The following CSMD1 variants were observed in gnomAD, a reference collection of about 807,000 sequenced individuals.
The protein encoded by CSMD1 is CUB and sushi domain-containing protein 1.
Under a neutral mutation model 417.5 loss-of-function variants are expected in CSMD1, and 213 were observed. The observed-to-expected ratio is 0.51, with a 90% CI of 0.46 to 0.57. The LOEUF (loss-of-function observed/expected upper bound fraction) is 0.57. CSMD1 is among the 20% of genes least tolerant of loss of function. The probability of loss-of-function intolerance (pLI) is 0.00; values close to 1 mark genes in which losing one functional copy is unlikely to be tolerated. For missense variants in CSMD1, 6,923 were observed against 4,529.7 expected (o/e 1.53, Z -15.17); for synonymous variants, 2,862 against 1,736.8 (o/e 1.65, Z -16.11).
At chr8:4,421,482 G>C (rs1797245750) in intron 2 of CSMD1, among the ~76,000 whole-genome samples, 1 of 152,092 alleles carries the variant, frequency 6.6e-6, no homozygotes, top group South Asian at 2.1e-4. Context: ...CATATAGCGT[G>C]TGTTCTCTGA....
intron 7 of CSMD1, among the ~76,000 whole-genome samples, chr8:3,621,112 G>A (rs3116146): frequency 0.11 from 17,023 of 152,146 alleles, 1,246 homozygotes; most frequent in African/African-American, 0.2. Context: ...AGGAGAGAGC[G>A]CTTAGAAGAA....
Position 2,965,721 on chromosome 8 carries a change from T to A in CSMD1, c.9280+54A>T. ...GCTTGCAAAATTAAACAAAGCATAATTCAATAAAGACTTCTATACACATCT... is the reference window on the plus strand; with the variant it reads ...GCTTGCAAAATTAAACAAAGCATAAATCAATAAAGACTTCTATACACATCT... On this transcript the variant is annotated intron_variant, in intron 59 of 69. Transcript: ENST00000635120. The A allele has an allele frequency of 2.7e-6, 4 of 1,484,464 alleles. No homozygotes were observed. The South Asian group carries it at 4.9e-5, about 18-fold the overall frequency. The allele number at this position is 1,484,464 out of a possible 1,614,324, so 92.0% of individuals were successfully genotyped here.
chr8:4,708,794 T>A (rs980967591), intron 1 of CSMD1, among the ~76,000 whole-genome samples: 1 of 152,118 alleles, frequency 6.6e-6, no homozygotes, highest in African/African-American at 2.4e-5. Context: ...GATTTTGTAA[T>A]AGATGTTTAA....
chr8:4,569,574 G>C (rs1424899071), intron 2 of CSMD1, among the ~76,000 whole-genome samples: 1 of 152,186 alleles, frequency 6.6e-6, no homozygotes, highest in African/African-American at 2.4e-5. Context: ...AAGTCAGGTA[G>C]TATGACGCCT....
intron 1 of CSMD1, among the ~76,000 whole-genome samples, chr8:4,643,925 G>C (rs1056592642): frequency 6.6e-6 from 1 of 152,210 alleles, no homozygotes; most frequent in Non-Finnish European, 1.5e-5. Context: ...ATGATTCTCA[G>C]ATCACCTGGA....
intron 36 of CSMD1, among the ~76,000 whole-genome samples, chr8:3,182,311 A>G (rs1292296600): frequency 1.3e-5 from 2 of 152,130 alleles, no homozygotes; most frequent in East Asian, 1.9e-4. Context: ...CAGTGGCACA[A>G]TCTTGGGATT....
chr8:3,649,249 T>G (rs981607916), intron 7 of CSMD1, among the ~76,000 whole-genome samples: 3 of 152,128 alleles, frequency 2.0e-5, no homozygotes, highest in Admixed American at 2.0e-4. Context: ...TTCTGTAACA[T>G]AAAACCAACC....
chr8:4,092,284 G>A (rs1469403163), intron 3 of CSMD1, among the ~76,000 whole-genome samples: 2 of 152,100 alleles, frequency 1.3e-5, no homozygotes, highest in Non-Finnish European at 2.9e-5. Context: ...ACTGAGTATG[G>A]GAAACCCGAG....
At chr8:4,901,717 T>C (rs774475078) in intron 1 of CSMD1, among the ~76,000 whole-genome samples, 1 of 152,170 alleles carries the variant, frequency 6.6e-6, no homozygotes, top group African/African-American at 2.4e-5. Context: ...GCATAGAGCA[T>C]AGAGGATGCT....
intron 3 of CSMD1, among the ~76,000 whole-genome samples, chr8:4,179,275 G>C (rs10111606): frequency 0.3 from 46,083 of 152,082 alleles, 7,279 homozygotes; most frequent in South Asian, 0.43. Context: ...ATAATGCCAC[G>C]TATCTACAAC....
intron 3 of CSMD1, among the ~76,000 whole-genome samples, chr8:4,288,752 C>T (rs1797199763): frequency 6.6e-6 from 1 of 152,160 alleles, no homozygotes; most frequent in African/African-American, 2.4e-5. Context: ...GATGGTCAAC[C>T]TCCCAACTCT....
rs777015820 is a variant in CSMD1, at chr8:2,962,615, A to G, written c.9479T>C (p.Ile3160Thr). The G allele has an allele frequency of 5.6e-6, 9 of 1,613,716 alleles. No homozygotes were observed. In the African/African-American group the frequency reaches 9.3e-5, roughly 17 times the overall value. The change falls in exon 61 of 70, where the codon ATC (isoleucine) becomes ACC (threonine). Residue 3160 changes from isoleucine (I) to threonine (T), a missense_variant. Ile to Thr is a moderately conservative substitution (Grantham distance 89). Transcript: ENST00000635120. ...CCCACTAAGTCGCCCTTCTGCGGGGATGCCAGGGTCTCCGCAGAACACAGC... is the reference window on the plus strand; with the variant it reads ...CCCACTAAGTCGCCCTTCTGCGGGGGTGCCAGGGTCTCCGCAGAACACAGC... ...CLPVFCGDPGIPAEGRLSGKS... is the reference protein window; with the variant it reads ...CLPVFCGDPGTPAEGRLSGKS...
intron 3 of CSMD1, among the ~76,000 whole-genome samples, chr8:4,224,206 G>C (rs1027470549): frequency 7.2e-6 from 1 of 138,174 alleles, no homozygotes; most frequent in African/African-American, 2.8e-5. Flanking sequence ...AAGCGTTTGT[G>C]ATCCAAGTCC....
At chr8:4,095,182 A>G (rs1800939805) in intron 3 of CSMD1, among the ~76,000 whole-genome samples, 1 of 152,226 alleles carries the variant, frequency 6.6e-6, no homozygotes, top group South Asian at 2.1e-4. Context: ...GGATAGCCAC[A>G]GCGAACACAA....
intron 10 of CSMD1, among the ~76,000 whole-genome samples, chr8:3,535,780 GC>G (rs1798170278): frequency 6.6e-6 from 1 of 152,126 alleles, no homozygotes; most frequent in African/African-American, 2.4e-5. Flanking sequence ...CTTCCCACAT[GC>G]TTTGAAAATT....
intron 2 of CSMD1, among the ~76,000 whole-genome samples, chr8:4,496,756 G>A (rs1237976820): frequency 6.6e-6 from 1 of 152,136 alleles, no homozygotes. Flanking sequence ...GAACAAAGCT[G>A]GGAGTAATTT....
intron 5 of CSMD1, among the ~76,000 whole-genome samples, chr8:3,970,491 G>A (rs117537792): frequency 0.013 from 1,954 of 152,254 alleles, 22 homozygotes; most frequent in Middle Eastern, 0.034. Context: ...TTATGAGAAT[G>A]TTCACATTCT....
intron 12 of CSMD1, 97 bp from the exon 13 acceptor site, chr8:3,409,702 T>A (rs898701235): frequency 1.1e-6 from 1 of 901,576 alleles, no homozygotes; most frequent in African/African-American, 1.7e-5. Flanking sequence ...TTCTTTTTGC[T>A]GAACTAAACA....
chr8:4,108,676 C>G (rs1038947648), intron 3 of CSMD1, among the ~76,000 whole-genome samples: 4 of 152,162 alleles, frequency 2.6e-5, no homozygotes, highest in African/African-American at 9.7e-5. Context: ...ATTATTTTCC[C>G]CCTTTTAGAA....
Sources: gnomAD v4.1 joint callset for allele counts (sites outside exome capture counted in the v4.1 genomes callset) on GRCh38, gnomAD v4.1.1 for gene constraint, MANE v1.5 for transcripts, NCBI Gene and HGNC (gene_info 2026-07-23, HGNC 2026-07-21) for gene names.